The following PTPRK variants were observed in gnomAD, a reference collection of about 807,000 sequenced individuals.
PTPRK encodes protein tyrosine phosphatase receptor type K.
In PTPRK, 75 loss-of-function variants were observed where a neutral mutation model predicts 178.0. The observed-to-expected ratio is 0.42, with a 90% CI of 0.35 to 0.51. The LOEUF is 0.51. Ranked by LOEUF, PTPRK falls within the 20% of genes least tolerant of loss-of-function variation. The pLI is 0.02. For missense variants in PTPRK, 1,441 were observed against 1,797.8 expected (o/e 0.80, Z 3.59); for synonymous variants, 637 against 620.6 (o/e 1.03, Z -0.39).
chr6:128,184,054 AG>A (rs1477768703), intron 7 of PTPRK, among the ~76,000 whole-genome samples: 1 of 152,164 alleles, frequency 6.6e-6, no homozygotes, highest in African/African-American at 2.4e-5. Context: ...AAAATTACTG[AG>A]GGAGAGAATT....
intron 18 of PTPRK, chr6:127,995,111 AAC>A: frequency 1.2e-6 from 1 of 821,894 alleles, no homozygotes; most frequent in East Asian, 2.7e-5. Context: ...CAAAAAAACG[AAC>A]AGAGATATAT....
intron 2 of PTPRK, among the ~76,000 whole-genome samples, chr6:128,334,032 G>A (rs1256352726): frequency 2.6e-5 from 4 of 152,174 alleles, no homozygotes. Flanking sequence ...GACGGGAACA[G>A]CCAGTAGGTG....
intron 1 of PTPRK, among the ~76,000 whole-genome samples, chr6:128,481,018 C>T (rs1363465714): frequency 1.3e-5 from 2 of 152,026 alleles, no homozygotes; most frequent in African/African-American, 4.8e-5. Context: ...GGTACACATA[C>T]CATACCCTGG....
intron 29 of PTPRK, 67 bp from the exon 30 acceptor site, chr6:127,970,347 C>G: frequency 7.7e-7 from 1 of 1,305,994 alleles, no homozygotes. Flanking sequence ...ATAACAGTTA[C>G]CAAATGAAAC....
chr6:128,198,447 G>A (rs1036495686), intron 6 of PTPRK, among the ~76,000 whole-genome samples: 39 of 151,978 alleles, frequency 2.6e-4, no homozygotes, highest in Admixed American at 2.0e-4. Flanking sequence ...ACAGGGAGGG[G>A]AACATTATAC....
At chr6:128,247,565 T>G (rs1438875856) in intron 3 of PTPRK, among the ~76,000 whole-genome samples, 1 of 152,162 alleles carries the variant, frequency 6.6e-6, no homozygotes, top group Non-Finnish European at 1.5e-5. Flanking sequence ...GTGATCTGCC[T>G]GCCTCAGCCT....
At chr6:128,027,838 C>T (rs1354575493) in intron 13 of PTPRK, 1 of 152,290 alleles carries the variant, frequency 6.6e-6, no homozygotes, top group Non-Finnish European at 1.5e-5. Flanking sequence ...GTGATCCGCC[C>T]ACCTTGGCCT....
At chr6:128,118,497 C>T (rs1454319317) in intron 7 of PTPRK, among the ~76,000 whole-genome samples, 1 of 152,302 alleles carries the variant, frequency 6.6e-6, no homozygotes, top group East Asian at 1.9e-4. Context: ...TTCCTTTGAA[C>T]CATGAACACA....
intron 7 of PTPRK, among the ~76,000 whole-genome samples, chr6:128,106,359 A>T (rs1789721351): frequency 6.6e-6 from 1 of 152,110 alleles, no homozygotes; most frequent in Admixed American, 6.5e-5. Context: ...TTGGCTGTTT[A>T]TCCATCTTCT....
chr6:128,204,719 T>C (rs1194860116), intron 6 of PTPRK, among the ~76,000 whole-genome samples: 1 of 150,232 alleles, frequency 6.7e-6, no homozygotes, highest in Non-Finnish European at 1.5e-5. Flanking sequence ...CACAAAGAGA[T>C]ACCATCTCAT....
intron 7 of PTPRK, among the ~76,000 whole-genome samples, chr6:128,161,638 T>C (rs1371862609): frequency 6.6e-6 from 1 of 151,464 alleles, no homozygotes; most frequent in African/African-American, 2.4e-5. Flanking sequence ...AAAATAAAAC[T>C]CTCTCAAAGC....
chr6:128,254,123 T>C (rs1816908636), intron 3 of PTPRK, among the ~76,000 whole-genome samples: 1 of 152,234 alleles, frequency 6.6e-6, no homozygotes, highest in Non-Finnish European at 1.5e-5. Context: ...TTAGTTATGG[T>C]TGGAGGGGAG....
intron 13 of PTPRK, among the ~76,000 whole-genome samples, chr6:128,030,557 T>C (rs1365198439): frequency 6.6e-6 from 1 of 152,214 alleles, no homozygotes; most frequent in Non-Finnish European, 1.5e-5. Context: ...TTGCTGTTTC[T>C]AGCTGTGCAT....
chr6:128,336,100 A>T (rs1254327637), intron 2 of PTPRK, among the ~76,000 whole-genome samples: 1 of 152,202 alleles, frequency 6.6e-6, no homozygotes, highest in Non-Finnish European at 1.5e-5. Context: ...TAACAAATAC[A>T]ATCACCCAAA....
chr6:128,377,691 T>C lies in PTPRK; in HGVS notation c.223+19875A>G, dbSNP rs199739850. 6.7e-5 allele frequency among the ~76,000 whole-genome samples: 10 copies of C among 149,226 alleles called. No individual in the cohort carries two copies. In the East Asian group the frequency reaches 2.0e-3, roughly 29 times the overall value. On this transcript the variant is annotated intron_variant, in intron 2 of 29. Coordinates refer to ENST00000368226, the MANE Select transcript of PTPRK (RefSeq NM_002844.4). ...GGGATATGAAAGTGATCAACTTCATTAAAGCAAGAAGCAACCAACAAAAAA... is the reference window on the plus strand; with the variant it reads ...GGGATATGAAAGTGATCAACTTCATCAAAGCAAGAAGCAACCAACAAAAAA...
intron 7 of PTPRK, among the ~76,000 whole-genome samples, chr6:128,090,536 A>C (rs1377266556): frequency 6.6e-6 from 1 of 152,202 alleles, no homozygotes. Context: ...CAATGGAGAA[A>C]AATTACAAGA....
intron 3 of PTPRK, among the ~76,000 whole-genome samples, chr6:128,257,854 T>A (rs1198274952): frequency 6.6e-6 from 1 of 152,160 alleles, no homozygotes; most frequent in African/African-American, 2.4e-5. Context: ...TGGAAATTCA[T>A]TTTTAATTTT....
chr6:128,329,282 TG>T (rs1829966044), intron 2 of PTPRK, among the ~76,000 whole-genome samples: 1 of 152,048 alleles, frequency 6.6e-6, no homozygotes, highest in Non-Finnish European at 1.5e-5. Flanking sequence ...ACCAGAGTGT[TG>T]GATGTCTGAA....
intron 6 of PTPRK, among the ~76,000 whole-genome samples, chr6:128,211,351 G>A (rs1316040578): frequency 6.6e-6 from 1 of 151,898 alleles, no homozygotes; most frequent in African/African-American, 2.4e-5. Context: ...GAGTGACAAA[G>A]TATTATTTAT....
Sources: allele counts gnomAD v4.1 joint callset (sites outside exome capture counted in the v4.1 genomes callset), GRCh38; gene constraint gnomAD v4.1.1; transcripts MANE v1.5; gene names NCBI Gene and HGNC (gene_info 2026-07-23, HGNC 2026-07-21).